Variants in CSMD1 observed in about 807,000 individuals in gnomAD.
The protein encoded by CSMD1 is CUB and sushi domain-containing protein 1.
CSMD1 carries 213 observed loss-of-function variants against 417.5 expected under a neutral mutation model. That is an observed-to-expected ratio of 0.51 (90% CI 0.46 to 0.57). The LOEUF (loss-of-function observed/expected upper bound fraction) is 0.57, where lower values mean the gene tolerates loss of function less well. Ranked by LOEUF, CSMD1 falls within the 20% of genes least tolerant of loss-of-function variation. The pLI is 0.00. For synonymous variants in CSMD1, 2,862 were observed against 1,736.8 expected (o/e 1.65, Z -16.11); for missense variants, 6,923 against 4,529.7 (o/e 1.53, Z -15.17).
intron 2 of CSMD1, among the ~76,000 whole-genome samples, chr8:4,577,937 T>C (rs1394005866): frequency 6.6e-6 from 1 of 152,190 alleles, no homozygotes; most frequent in African/African-American, 2.4e-5. Context: ...ATTATGATAT[T>C]GGATGGCCAG....
intron 3 of CSMD1, among the ~76,000 whole-genome samples, chr8:4,147,406 G>C (rs138550039): frequency 6.6e-6 from 1 of 151,904 alleles, no homozygotes; most frequent in Non-Finnish European, 1.5e-5. Context: ...CCCACATGCT[G>C]CCCTGTCTAG....
intron 5 of CSMD1, among the ~76,000 whole-genome samples, chr8:3,855,856 A>C (rs1483382936): frequency 6.6e-6 from 1 of 152,166 alleles, no homozygotes; most frequent in East Asian, 1.9e-4. Context: ...AACTGCATTT[A>C]TTATGACACT....
intron 41 of CSMD1, among the ~76,000 whole-genome samples, chr8:3,121,530 G>A (rs1056492519): frequency 6.6e-5 from 10 of 152,140 alleles, no homozygotes; most frequent in African/African-American, 2.2e-4. Context: ...GGAGGGAAGC[G>A]CTGGGCAGCC....
At chr8:3,430,994 A>G (rs1046801693) in intron 12 of CSMD1, among the ~76,000 whole-genome samples, 9 of 152,186 alleles carry the variant, frequency 5.9e-5, no homozygotes, top group Non-Finnish European at 1.2e-4. Flanking sequence ...CTGAGCCCTT[A>G]AATCTCTCTT....
chr8:4,858,022 A>T (rs1801905034), intron 1 of CSMD1, among the ~76,000 whole-genome samples: 1 of 152,188 alleles, frequency 6.6e-6, no homozygotes, highest in Non-Finnish European at 1.5e-5. Context: ...TCAGTAACAT[A>T]CTGGCAAAAC....
chr8:4,850,433 T>G (rs12541470), intron 1 of CSMD1, among the ~76,000 whole-genome samples: 12,650 of 146,108 alleles, frequency 0.087, 746 homozygotes, highest in Middle Eastern at 0.13. Context: ...AAAACATCTT[T>G]ACTCTTTTTT....
At chr8:4,738,719 A>C (rs1160000337) in intron 1 of CSMD1, among the ~76,000 whole-genome samples, 3 of 152,204 alleles carry the variant, frequency 2.0e-5, no homozygotes, top group Admixed American at 6.5e-5. Flanking sequence ...ATATTAATTA[A>C]ATTTGCTGTA....
intron 2 of CSMD1, among the ~76,000 whole-genome samples, chr8:4,588,513 G>T (rs1441024095): frequency 6.6e-6 from 1 of 151,872 alleles, no homozygotes; most frequent in African/African-American, 2.4e-5. Flanking sequence ...ACTCTACTCT[G>T]GCCGGGCATG....
chr8:3,668,500 G>C (rs1798821028), intron 7 of CSMD1, among the ~76,000 whole-genome samples: 1 of 152,182 alleles, frequency 6.6e-6, no homozygotes. Flanking sequence ...AGAACGGAGA[G>C]AGTTTGTCTG....
chr8:3,610,631 C>G (rs1015293376), intron 8 of CSMD1, among the ~76,000 whole-genome samples: 8 of 152,092 alleles, frequency 5.3e-5, no homozygotes, highest in Non-Finnish European at 1.0e-4. Flanking sequence ...GTATAGATGA[C>G]ATTCACTTCA....
intron 1 of CSMD1, among the ~76,000 whole-genome samples, chr8:4,773,280 C>G (rs1410163236): frequency 6.6e-6 from 1 of 152,158 alleles, no homozygotes; most frequent in Non-Finnish European, 1.5e-5. Flanking sequence ...GATACTCAAT[C>G]TACACCAAGC....
At chr8:3,769,474 AGTT>A (rs1798459466) in intron 5 of CSMD1, among the ~76,000 whole-genome samples, 1 of 116,996 alleles carries the variant, frequency 8.5e-6, no homozygotes, top group African/African-American at 2.6e-5. Context: ...TTTCTTCCAC[AGTT>A]GTTGAGAAAA....
intron 3 of CSMD1, among the ~76,000 whole-genome samples, chr8:4,167,597 G>C (rs912262836): frequency 6.6e-6 from 1 of 152,076 alleles, no homozygotes; most frequent in East Asian, 1.9e-4. Context: ...ATATGCAAAT[G>C]GCAGAAAAAA....
chr8:4,060,992 A>C (rs944945281), intron 3 of CSMD1, among the ~76,000 whole-genome samples: 4 of 152,204 alleles, frequency 2.6e-5, no homozygotes, highest in African/African-American at 9.7e-5. Flanking sequence ...CTTGTGAGCA[A>C]GCAAAGCAAA....
At chr8:4,836,802 G>T (rs573633654) in intron 1 of CSMD1, among the ~76,000 whole-genome samples, 1 of 151,820 alleles carries the variant, frequency 6.6e-6, no homozygotes, top group African/African-American at 2.4e-5. Flanking sequence ...TGATGTAATC[G>T]GGCCCTGTGT....
intron 10 of CSMD1, among the ~76,000 whole-genome samples, chr8:3,545,064 C>G (rs1233821585): frequency 6.6e-6 from 1 of 152,098 alleles, no homozygotes; most frequent in Non-Finnish European, 1.5e-5. Flanking sequence ...TTCCTGAATA[C>G]AAACTTTTCC....
intron 10 of CSMD1, among the ~76,000 whole-genome samples, chr8:3,531,017 TA>T (rs1024937092): frequency 2.1e-5 from 3 of 144,020 alleles, no homozygotes; most frequent in Non-Finnish European, 3.0e-5. Context: ...CATGCCCAGC[TA>T]ATTTTTTTTT....
chr8:4,511,768 T>C (rs1802834124), intron 2 of CSMD1, among the ~76,000 whole-genome samples: 3 of 152,162 alleles, frequency 2.0e-5, no homozygotes, highest in Non-Finnish European at 4.4e-5. Flanking sequence ...TTCATGACAT[T>C]AGTTTTACTC....
intron 3 of CSMD1, among the ~76,000 whole-genome samples, chr8:4,411,361 A>G (rs936503922): frequency 6.6e-6 from 1 of 152,124 alleles, no homozygotes; most frequent in African/African-American, 2.4e-5. Context: ...TTGATTTCTT[A>G]CATTAAAAAA....
Sources: gnomAD v4.1 joint callset for allele counts (sites outside exome capture counted in the v4.1 genomes callset) on GRCh38, gnomAD v4.1.1 for gene constraint, MANE v1.5 for transcripts, NCBI Gene and HGNC (gene_info 2026-07-23, HGNC 2026-07-21) for gene names.